Variants in SAMD8 observed in about 807,000 individuals in gnomAD.
The protein encoded by SAMD8 is sterile alpha motif domain containing 8.
SAMD8 carries 20 observed loss-of-function variants against 42.0 expected under a neutral mutation model. The observed-to-expected ratio is 0.48, with a 90% CI of 0.34 to 0.69. The LOEUF (loss-of-function observed/expected upper bound fraction) is 0.69, where lower values mean the gene tolerates loss of function less well. SAMD8 is among the 30% of genes least tolerant of loss of function. The pLI is 0.01. For synonymous variants in SAMD8, 162 were observed against 173.0 expected, an observed-to-expected ratio of 0.94 and a Z score of 0.50; for missense variants, 328 against 511.6, an observed-to-expected ratio of 0.64 and a Z score of 3.46.
intron 1 of SAMD8, among the ~76,000 whole-genome samples, chr10:75,126,740 A>G (rs949129097): frequency 4.0e-5 from 6 of 151,702 alleles, no homozygotes; most frequent in African/African-American, 7.3e-5. Context: ...GGCTCAAGCA[A>G]TCCTCTGGCC....
intron 2 of SAMD8, among the ~76,000 whole-genome samples, chr10:75,151,589 C>G (rs181097373): frequency 6.6e-6 from 1 of 152,134 alleles, no homozygotes; most frequent in Non-Finnish European, 1.5e-5. Flanking sequence ...TAGGCTGAAA[C>G]GATCCTCCCA....
intron 1 of SAMD8, among the ~76,000 whole-genome samples, chr10:75,147,271 A>T (rs1840160342): frequency 6.6e-6 from 1 of 152,168 alleles, no homozygotes; most frequent in Non-Finnish European, 1.5e-5. Context: ...GAGAAAGGGG[A>T]ATGTTAACAG....
At chr10:75,168,872 T>C (rs575703993) in intron 4 of SAMD8, among the ~76,000 whole-genome samples, 4 of 152,330 alleles carry the variant, frequency 2.6e-5, no homozygotes, top group African/African-American at 7.2e-5. Flanking sequence ...TATGGAGCTA[T>C]AGAAAACAAG....
At chr10:75,138,213 G>T (rs991290267) in intron 1 of SAMD8, among the ~76,000 whole-genome samples, 1 of 152,150 alleles carries the variant, frequency 6.6e-6, no homozygotes, top group Non-Finnish European at 1.5e-5. Flanking sequence ...AGGAGGAAAC[G>T]ACTAGAGGGA....
Position 75,174,386 on chromosome 10 carries a change from C to G in SAMD8, c.793-1680C>G, listed in dbSNP as rs938600062. 7.9e-5 allele frequency among the ~76,000 whole-genome samples: 12 copies of G among 151,446 alleles called. 1 individual carries two copies. The highest frequency in any genetic ancestry group is 5.3e-4 in the Admixed American group (8 of 15,198). On this transcript the variant is annotated intron_variant, in intron 4 of 5. Transcript: ENST00000542569. ...CCTTGTGATCCACCCACCTCGGCCT[C>G]CCAAAGTGCTGGGATTACAGGCGTG...
chr10:75,138,384 G>A (rs1012781624), intron 1 of SAMD8, among the ~76,000 whole-genome samples: 20 of 152,170 alleles, frequency 1.3e-4, no homozygotes, highest in Admixed American at 2.6e-4. Flanking sequence ...TGGGGACAAA[G>A]TCATTATCTC....
chr10:75,115,632 C>A (rs1848860712), intron 1 of SAMD8, among the ~76,000 whole-genome samples: 1 of 152,130 alleles, frequency 6.6e-6, no homozygotes, highest in Non-Finnish European at 1.5e-5. Context: ...GTTATTGGGT[C>A]CTCACAATAC....
chr10:75,123,274 A>G (rs139652452), intron 1 of SAMD8, among the ~76,000 whole-genome samples: 21 of 151,312 alleles, frequency 1.4e-4, no homozygotes, highest in African/African-American at 2.2e-4. Flanking sequence ...TACCTCCGAT[A>G]TACCACTGAG....
intron 2 of SAMD8, among the ~76,000 whole-genome samples, chr10:75,155,370 A>G (rs954703878): frequency 3.9e-5 from 6 of 152,134 alleles, no homozygotes; most frequent in African/African-American, 1.4e-4. Flanking sequence ...AAATATGAGC[A>G]GAAGTTCAGA....
intron 3 of SAMD8, among the ~76,000 whole-genome samples, chr10:75,167,950 G>A (rs1840730110): frequency 6.6e-6 from 1 of 152,082 alleles, no homozygotes; most frequent in African/African-American, 2.4e-5. Flanking sequence ...CTAACACCAG[G>A]CTTACTTGTC....
At chr10:75,110,005 A>G (rs1457920454), upstream of SAMD8, among the ~76,000 whole-genome samples, 1 of 151,918 alleles carries the variant, frequency 6.6e-6, no homozygotes, top group Admixed American at 6.6e-5. Flanking sequence ...TTTAGTAGAG[A>G]TGGGGTTTTG....
intron 1 of SAMD8, among the ~76,000 whole-genome samples, chr10:75,135,956 T>C (rs1343847069): frequency 6.6e-6 from 1 of 152,126 alleles, no homozygotes; most frequent in Admixed American, 6.6e-5. Flanking sequence ...GCTAATCATA[T>C]AGGCCTTAGT....
At chr10:75,144,082 C>G (rs755886422) in intron 1 of SAMD8, among the ~76,000 whole-genome samples, 7 of 151,778 alleles carry the variant, frequency 4.6e-5, no homozygotes, top group Non-Finnish European at 7.4e-5. Flanking sequence ...ATTCTCCTGC[C>G]TCAGCCTCCA....
intron 2 of SAMD8, among the ~76,000 whole-genome samples, chr10:75,155,039 G>A (rs556334011): frequency 6.6e-6 from 1 of 152,064 alleles, no homozygotes; most frequent in South Asian, 2.1e-4. Flanking sequence ...CTGCAGGTGT[G>A]TGTCACCACA....
intron 1 of SAMD8, 57 bp from the exon 2 acceptor site, chr10:75,150,457 A>G: frequency 6.5e-7 from 1 of 1,532,906 alleles, no homozygotes. Flanking sequence ...TTGTCTTTGA[A>G]GAAATTGTTA....
chr10:75,160,412 T>TA (rs1404762107), intron 2 of SAMD8, among the ~76,000 whole-genome samples: 1 of 151,796 alleles, frequency 6.6e-6, no homozygotes, highest in South Asian at 2.1e-4. Context: ...TTCACTGTGT[T>TA]AACCAGGATG....
intron 2 of SAMD8, among the ~76,000 whole-genome samples, chr10:75,163,734 C>T (rs1289154879): frequency 6.6e-6 from 1 of 152,156 alleles, no homozygotes; most frequent in Non-Finnish European, 1.5e-5. Context: ...AGGCGTGATC[C>T]ACCATGCCCA....
intron 1 of SAMD8, among the ~76,000 whole-genome samples, chr10:75,133,564 T>A (rs1849320311): frequency 6.6e-6 from 1 of 152,214 alleles, no homozygotes. Context: ...TAAGTGTCCG[T>A]CTACAGATAA....
At chr10:75,135,084 AC>A (rs1344375680) in intron 1 of SAMD8, among the ~76,000 whole-genome samples, 3 of 152,056 alleles carry the variant, frequency 2.0e-5, no homozygotes, top group Non-Finnish European at 4.4e-5. Context: ...AAAACAAAAA[AC>A]AAATGATAAC....
Sources: allele counts gnomAD v4.1 joint callset (sites outside exome capture counted in the v4.1 genomes callset), GRCh38; gene constraint gnomAD v4.1.1; transcripts MANE v1.5; gene names NCBI Gene and HGNC (gene_info 2026-07-23, HGNC 2026-07-21).